Variants in SLC25A21 observed in about 807,000 individuals in gnomAD.
SLC25A21 encodes the protein mitochondrial 2-oxodicarboxylate carrier.
SLC25A21 carries 47 observed loss-of-function variants against 43.8 expected under a neutral mutation model. The observed-to-expected ratio is 1.07, with a 90% CI of 0.85 to 1.37. SLC25A21 has a LOEUF of 1.37. Ranked by LOEUF, SLC25A21 falls within the 40% of genes most tolerant of loss-of-function variation. SLC25A21 has a pLI of 0.00. For missense variants in SLC25A21, 352 were observed against 350.2 expected, an observed-to-expected ratio of 1.00 and a Z score of -0.04; for synonymous variants, 131 against 121.3, an observed-to-expected ratio of 1.08 and a Z score of -0.52.
intron 1 of SLC25A21, among the ~76,000 whole-genome samples, chr14:36,882,726 T>C (rs749826966): frequency 2.6e-5 from 4 of 151,792 alleles, no homozygotes; most frequent in Non-Finnish European, 5.9e-5. Flanking sequence ...AGACTTCCCT[T>C]TCAAAGTCAG....
intron 1 of SLC25A21, among the ~76,000 whole-genome samples, chr14:36,928,420 C>T (rs1185170941): frequency 6.9e-6 from 1 of 144,722 alleles, no homozygotes; most frequent in Non-Finnish European, 1.5e-5. Context: ...CAGGACTAAG[C>T]TTCTAAGTAG....
intron 1 of SLC25A21, among the ~76,000 whole-genome samples, chr14:37,000,499 C>CT (rs1960464270): frequency 6.6e-6 from 1 of 152,166 alleles, no homozygotes. Context: ...TTGCTGTCCT[C>CT]TGATACATCC....
chr14:37,105,766 T>A (rs8005504), intron 1 of SLC25A21, among the ~76,000 whole-genome samples: 5 of 151,984 alleles, frequency 3.3e-5, no homozygotes, highest in Non-Finnish European at 5.9e-5. Context: ...AGAATTCTAG[T>A]AGTAGAATTC....
chr14:36,793,005 C>T (rs1159829641), intron 3 of SLC25A21, among the ~76,000 whole-genome samples: 1 of 152,160 alleles, frequency 6.6e-6, no homozygotes, highest in Non-Finnish European at 1.5e-5. Context: ...TCTTTGTCTT[C>T]CTCTACTGCC....
intron 1 of SLC25A21, among the ~76,000 whole-genome samples, chr14:37,060,605 C>CCA (rs10560891): frequency 0.096 from 14,378 of 149,102 alleles, 1,783 homozygotes; most frequent in African/African-American, 0.28. Flanking sequence ...CCATTAAACA[C>CCA]CACACACACA....
intron 1 of SLC25A21, among the ~76,000 whole-genome samples, chr14:37,127,372 T>C (rs1281182125): frequency 2.0e-5 from 3 of 152,238 alleles, no homozygotes; most frequent in Admixed American, 1.3e-4. Flanking sequence ...AGATGATAGA[T>C]ACCTATGCAG....
intron 1 of SLC25A21, among the ~76,000 whole-genome samples, chr14:36,973,426 G>A (rs373468304): frequency 1.3e-5 from 2 of 152,282 alleles, no homozygotes; most frequent in African/African-American, 4.8e-5. Context: ...TATGGAGCAA[G>A]GAGAAGCCCT....
At chr14:37,064,508 G>GT in intron 1 of SLC25A21, among the ~76,000 whole-genome samples, 1 of 152,032 alleles carries the variant, frequency 6.6e-6, no homozygotes, top group African/African-American at 2.4e-5. Context: ...TTGTGGAGTT[G>GT]GTTCAACTCT....
intron 7 of SLC25A21, among the ~76,000 whole-genome samples, chr14:36,694,781 T>A (rs2139157943): frequency 6.6e-6 from 1 of 152,366 alleles, no homozygotes. Flanking sequence ...TAAATTTGTT[T>A]GAGTTCTTTG....
At chr14:36,833,513 T>TG (rs1472879831) in intron 2 of SLC25A21, among the ~76,000 whole-genome samples, 1 of 152,216 alleles carries the variant, frequency 6.6e-6, no homozygotes, top group Admixed American at 6.5e-5. Context: ...AAAATGTACC[T>TG]GTAGACTCAA....
chr14:36,939,805 T>C (rs1892512436), intron 1 of SLC25A21, among the ~76,000 whole-genome samples: 1 of 152,064 alleles, frequency 6.6e-6, no homozygotes, highest in Non-Finnish European at 1.5e-5. Context: ...ATCAGCGCCA[T>C]TAGAACCACT....
At chr14:36,775,944 C>A (rs2138366541) in intron 3 of SLC25A21, among the ~76,000 whole-genome samples, 1 of 152,264 alleles carries the variant, frequency 6.6e-6, no homozygotes, top group South Asian at 2.1e-4. Flanking sequence ...ATTGGATCAC[C>A]TGGAATTGAG....
At chr14:37,048,363 C>A (rs539674960) in intron 1 of SLC25A21, among the ~76,000 whole-genome samples, 2 of 152,122 alleles carry the variant, frequency 1.3e-5, no homozygotes, top group South Asian at 2.1e-4. Flanking sequence ...TAGGAAATTA[C>A]TGTCATCATA....
chr14:37,030,226 C>A (rs1961182204), intron 1 of SLC25A21, among the ~76,000 whole-genome samples: 1 of 152,050 alleles, frequency 6.6e-6, no homozygotes, highest in Non-Finnish European at 1.5e-5. Context: ...TCATAAAGGT[C>A]TTTATCTTCA....
intron 1 of SLC25A21, among the ~76,000 whole-genome samples, chr14:37,152,110 A>G (rs923590650): frequency 9.8e-5 from 15 of 152,326 alleles, no homozygotes; most frequent in Non-Finnish European, 2.1e-4. Flanking sequence ...AGTAAATGTT[A>G]GCACTCAAAA....
At chr14:36,838,822 A>G (rs774089029) in intron 2 of SLC25A21, among the ~76,000 whole-genome samples, 16 of 152,204 alleles carry the variant, frequency 1.1e-4, no homozygotes, top group Non-Finnish European at 1.9e-4. Flanking sequence ...AGTCGCCAGT[A>G]GAAACACACC....
chr14:36,709,816 TA>T (rs373872868), intron 7 of SLC25A21, among the ~76,000 whole-genome samples: 29 of 145,400 alleles, frequency 2.0e-4, no homozygotes, highest in Admixed American at 6.9e-4. Flanking sequence ...GTTTTATGAC[TA>T]AAAAAAAAAG....
At chr14:37,071,917 C>T (rs1163536461) in intron 1 of SLC25A21, among the ~76,000 whole-genome samples, 1 of 152,084 alleles carries the variant, frequency 6.6e-6, no homozygotes, top group African/African-American at 2.4e-5. Flanking sequence ...CACAGTGGCT[C>T]ACGTCTATAA....
chr14:37,098,782 C>CAGATAGATAGATAGATAGAT (rs1328490791), intron 1 of SLC25A21, among the ~76,000 whole-genome samples: 15 of 138,088 alleles, frequency 1.1e-4, no homozygotes, highest in African/African-American at 4.2e-4. Flanking sequence ...GACAGACAGA[C>CAGATAGATAGATAGATAGAT]AGACAGATAG....
Sources: gnomAD v4.1 joint callset for allele counts (sites outside exome capture counted in the v4.1 genomes callset) on GRCh38, gnomAD v4.1.1 for gene constraint, MANE v1.5 for transcripts, NCBI Gene and HGNC (gene_info 2026-07-23, HGNC 2026-07-21) for gene names.